ETF1: variants seen among roughly 807,000 people sequenced by gnomAD.
ETF1 encodes eukaryotic peptide chain release factor subunit 1.
Under a neutral mutation model 55.1 loss-of-function variants are expected in ETF1, and 4 were observed. The observed-to-expected ratio is 0.07, with a 90% confidence interval of 0.04 to 0.17. The LOEUF is 0.17. Among genes scored for constraint, ETF1 ranks in the 10% least tolerant of loss-of-function variants. ETF1 has a pLI of 1.00. For missense variants in ETF1, 142 were observed against 523.6 expected, an observed-to-expected ratio of 0.27 and a Z score of 7.11; for synonymous variants, 157 against 182.3, an observed-to-expected ratio of 0.86 and a Z score of 1.12.
At chr5:138,509,825 G>T (rs1764692258) in intron 9 of ETF1, among the ~76,000 whole-genome samples, 1 of 148,752 alleles carries the variant, frequency 6.7e-6, no homozygotes, top group Non-Finnish European at 1.5e-5. Context: ...AACTCGGGAG[G>T]TGGAGGTTGC....
chr5:138,521,057 A>G (rs757095835), intron 2 of ETF1, among the ~76,000 whole-genome samples: 1 of 152,186 alleles, frequency 6.6e-6, no homozygotes, highest in Non-Finnish European at 1.5e-5. Context: ...CATTATTCAC[A>G]ATAGCCTAGA....
At chr5:138,519,665 G>GA (rs34267508) in intron 2 of ETF1, among the ~76,000 whole-genome samples, 2,133 of 128,114 alleles carry the variant, frequency 0.017, 29 homozygotes, top group African/African-American at 0.047. Context: ...TTAGTCTCGA[G>GA]AAAAAAAAAA....
intron 2 of ETF1, among the ~76,000 whole-genome samples, chr5:138,541,121 C>A (rs1311367711): frequency 1.3e-5 from 2 of 152,176 alleles, no homozygotes; most frequent in Non-Finnish European, 2.9e-5. Context: ...CAACAGCAAT[C>A]TATAAAATGC....
intron 2 of ETF1, among the ~76,000 whole-genome samples, chr5:138,523,491 G>A (rs1283491945): frequency 1.3e-5 from 2 of 152,084 alleles, no homozygotes; most frequent in African/African-American, 2.4e-5. Context: ...CCGAGACCAC[G>A]CCACTGCACT....
chr5:138,520,139 C>A (rs529710366), intron 2 of ETF1, among the ~76,000 whole-genome samples: 75 of 144,206 alleles, frequency 5.2e-4, no homozygotes, highest in Non-Finnish European at 1.0e-3. Flanking sequence ...GGGAAATAAT[C>A]AACTTAACCA....
At chr5:138,524,457 G>A (rs932707554) in intron 2 of ETF1, among the ~76,000 whole-genome samples, 4 of 151,652 alleles carry the variant, frequency 2.6e-5, no homozygotes, top group African/African-American at 9.7e-5. Flanking sequence ...GGAGACTGAG[G>A]TGGGAGAATT....
chr5:138,508,585 A>G (rs2242599), intron 10 of ETF1, 84 bp downstream of exon 10: 693,739 of 1,574,136 alleles, frequency 0.44, 157,354 homozygotes, highest in East Asian at 0.8. Flanking sequence ...TAAGCACCTC[A>G]CCGGAAGCAG....
chr5:138,537,144 T>C (rs1417283699), intron 2 of ETF1, among the ~76,000 whole-genome samples: 1 of 152,168 alleles, frequency 6.6e-6, no homozygotes, highest in Non-Finnish European at 1.5e-5. Context: ...GCAGCCTACA[T>C]ACTTGGAGGA....
intron 2 of ETF1, among the ~76,000 whole-genome samples, chr5:138,522,607 AAAAG>A (rs1297897255): frequency 3.9e-5 from 6 of 152,170 alleles, no homozygotes; most frequent in Non-Finnish European, 4.4e-5. Flanking sequence ...ACAAACGAAA[AAAAG>A]AAACAACCCA....
intron 2 of ETF1, among the ~76,000 whole-genome samples, chr5:138,521,325 A>G (rs1395751692): frequency 1.3e-5 from 2 of 152,204 alleles, no homozygotes; most frequent in African/African-American, 4.8e-5. Flanking sequence ...CAACTGGAGT[A>G]AGGTGGAACT....
chr5:138,525,943 T>TAA (rs35058160), intron 2 of ETF1, among the ~76,000 whole-genome samples: 5,249 of 133,760 alleles, frequency 0.039, 229 homozygotes, highest in Admixed American at 0.097. Flanking sequence ...AGACTCTGTT[T>TAA]AAAAAAAAAA....
chr5:138,518,005 C>A (rs1581028289), intron 3 of ETF1: 3 of 336,084 alleles, frequency 8.9e-6, no homozygotes, highest in Non-Finnish European at 1.3e-5. Flanking sequence ...AATTCAAGAC[C>A]AACCTGGCCA....
intron 2 of ETF1, among the ~76,000 whole-genome samples, chr5:138,520,507 T>G (rs900926248): frequency 6.6e-6 from 1 of 152,104 alleles, no homozygotes; most frequent in Non-Finnish European, 1.5e-5. Flanking sequence ...TCAAGAAATA[T>G]CTCATCGGAA....
intron 2 of ETF1, among the ~76,000 whole-genome samples, chr5:138,537,859 C>T (rs191656226): frequency 2.7e-5 from 4 of 150,824 alleles, no homozygotes; most frequent in East Asian, 2.0e-4. Context: ...GGATTACAGG[C>T]GTGAGCCACC....
chr5:138,532,327 C>T (rs1262780087), intron 2 of ETF1, among the ~76,000 whole-genome samples: 1 of 152,204 alleles, frequency 6.6e-6, no homozygotes, highest in Non-Finnish European at 1.5e-5. Flanking sequence ...TTCAGGCTCA[C>T]GTCCAGCTCT....
Position 138,542,827 on chromosome 5 carries a change from G to T in ETF1, c.86+6C>A. On this transcript the variant is annotated splice_donor_region_variant and intron_variant, in intron 2 of 10. Transcript: ENST00000360541. ...GGGCACGGAGGGTGCCGGACGCGGC[G>T]CTCACCCGCGGGCCGCCTCCAAGCT... 1 of 1,612,160 alleles carries T rather than the reference G, an allele frequency of 6.2e-7. No homozygotes were observed. Among genetic ancestry groups the T allele is most frequent in the Non-Finnish European group, 8.5e-7 (1 of 1,179,644 alleles).
At chr5:138,518,045 T>C (rs1765091539) in intron 3 of ETF1, 1 of 183,060 alleles carries the variant, frequency 5.5e-6, no homozygotes, top group South Asian at 1.9e-4. Flanking sequence ...CTACGAAAAA[T>C]ACAAAAAGTA....
At chr5:138,517,976 C>G (rs544746680) in intron 3 of ETF1, 1 of 670,108 alleles carries the variant, frequency 1.5e-6, no homozygotes, top group African/African-American at 2.0e-5. Flanking sequence ...CCGAGGTAGG[C>G]GGATCACCTG....
chr5:138,509,635 C>T (rs886649420), intron 9 of ETF1, among the ~76,000 whole-genome samples: 3 of 152,088 alleles, frequency 2.0e-5, no homozygotes, highest in Non-Finnish European at 2.9e-5. Context: ...TGGCTCACGC[C>T]TGTAATCCCA....
Sources: allele counts gnomAD v4.1 joint callset (sites outside exome capture counted in the v4.1 genomes callset), GRCh38; gene constraint gnomAD v4.1.1; transcripts MANE v1.5; gene names NCBI Gene and HGNC (gene_info 2026-07-23, HGNC 2026-07-21).